The following SENP6 variants were observed in gnomAD, a reference collection of about 807,000 sequenced individuals.
SENP6 encodes sentrin-specific protease 6.
SENP6 carries 41 observed loss-of-function variants against 134.5 expected under a neutral mutation model. The observed-to-expected ratio is 0.30, with a 90% CI of 0.24 to 0.40. The LOEUF (loss-of-function observed/expected upper bound fraction) is 0.40, where lower values mean the gene tolerates loss of function less well. SENP6 is among the 10% of genes least tolerant of loss of function. The pLI is 1.00. For missense variants in SENP6, 1,248 were observed against 1,312.5 expected, an observed-to-expected ratio of 0.95 and a Z score of 0.76; for synonymous variants, 395 against 429.8, an observed-to-expected ratio of 0.92 and a Z score of 1.00.
In SENP6 at chr6:75,663,352, T is replaced by C. The variant is rs755499866; in HGVS notation, c.828T>C (p.Tyr276=). The change falls in exon 9 of 24, where the codon TAT becomes TAC. Residue 276 remains tyrosine (Y), a synonymous_variant. Coordinates refer to ENST00000447266, the MANE Select transcript of SENP6 (RefSeq NM_015571.4). ...CAGGATTAACAACCAAGAAGTTTTA[T>C]GGCAACAATGTGGAAAAGGTTCCAA... The part of the protein sequence containing the change: ...QNTGLTTKKF[Y]GNNVEKVPID... The C allele has an allele frequency of 4.8e-5, 78 of 1,613,670 alleles. No homozygotes were observed. The highest frequency in any genetic ancestry group is 6.4e-5 in the Non-Finnish European group (75 of 1,179,856).
intron 6 of SENP6, among the ~76,000 whole-genome samples, chr6:75,642,325 G>A (rs1770091495): frequency 6.6e-6 from 1 of 152,214 alleles, no homozygotes; most frequent in Non-Finnish European, 1.5e-5. Flanking sequence ...ATGTAGAGAA[G>A]TGTAATGGGT....
chr6:75,628,867 C>T (rs1043283920), intron 3 of SENP6, among the ~76,000 whole-genome samples: 1 of 152,040 alleles, frequency 6.6e-6, no homozygotes, highest in African/African-American at 2.4e-5. Flanking sequence ...CTACAGGTGC[C>T]TGCCACCACG....
chr6:75,663,161 T>C (rs2149864829), intron 8 of SENP6, 60 bp from the exon 9 acceptor site: 2 of 1,467,742 alleles, frequency 1.4e-6, no homozygotes, highest in East Asian at 4.5e-5. Flanking sequence ...ATGTTCAAAA[T>C]GTGGAAAGGA....
At chr6:75,609,786 T>C (rs571380328) in intron 1 of SENP6, among the ~76,000 whole-genome samples, 83 of 152,310 alleles carry the variant, frequency 5.4e-4, no homozygotes, top group Non-Finnish European at 8.5e-4. Context: ...TTTTTGTTTT[T>C]TGAGATGGAG....
chr6:75,610,731 C>T (rs952947342), intron 1 of SENP6, among the ~76,000 whole-genome samples: 1 of 152,158 alleles, frequency 6.6e-6, no homozygotes, highest in Non-Finnish European at 1.5e-5. Context: ...TTGAAGCCAT[C>T]TGAAATCAGC....
intron 19 of SENP6, among the ~76,000 whole-genome samples, chr6:75,706,933 G>A (rs913501861): frequency 1.1e-4 from 16 of 152,180 alleles, no homozygotes; most frequent in African/African-American, 2.7e-4. Flanking sequence ...CATGAAAAAT[G>A]TGTACGCTTA....
chr6:75,636,893 A>G (rs1769561701), intron 5 of SENP6, among the ~76,000 whole-genome samples: 1 of 143,856 alleles, frequency 7.0e-6, no homozygotes, highest in Non-Finnish European at 1.5e-5. Context: ...TTTTTTTTTA[A>G]TTATAGAGAT....
chr6:75,696,169 G>A (rs1774647871), intron 17 of SENP6, among the ~76,000 whole-genome samples: 2 of 151,924 alleles, frequency 1.3e-5, no homozygotes, highest in Admixed American at 1.3e-4. Context: ...TATTTATATT[G>A]AGGCAATATC....
chr6:75,693,303 G>A (rs1222247345), intron 16 of SENP6, among the ~76,000 whole-genome samples: 3 of 151,738 alleles, frequency 2.0e-5, no homozygotes, highest in Non-Finnish European at 4.4e-5. Context: ...TACTCAGGAG[G>A]CTGAGGCAGG....
intron 7 of SENP6, chr6:75,655,401 A>C (rs777569339): frequency 3.3e-5 from 5 of 152,218 alleles, no homozygotes; most frequent in Non-Finnish European, 7.3e-5. Context: ...CCATGAAGAC[A>C]TAGTAGAAAT....
At chr6:75,631,620 T>C (rs1410858692) in intron 3 of SENP6, among the ~76,000 whole-genome samples, 3 of 152,190 alleles carry the variant, frequency 2.0e-5, no homozygotes, top group African/African-American at 7.2e-5. Context: ...TCTGTGTCCA[T>C]AAGTAAAGTT....
At chr6:75,684,518 G>A (rs1773693383) in intron 16 of SENP6, among the ~76,000 whole-genome samples, 1 of 152,176 alleles carries the variant, frequency 6.6e-6, no homozygotes, top group Admixed American at 6.5e-5. Context: ...CATTCAGGAT[G>A]ATATTGGCTG....
At position 75,634,790 on chromosome 6, in the gene SENP6, T is replaced by C; in HGVS notation, c.437T>C (p.Val146Ala). 2 of 1,601,244 alleles carry C rather than the reference T, an allele frequency of 1.2e-6. No homozygotes were observed. Among genetic ancestry groups the C allele is most frequent in the Non-Finnish European group, 8.5e-7 (1 of 1,175,362 alleles). The change falls in exon 5 of 24, where the codon GTA becomes GCA. Residue 146 changes from valine (V) to alanine (A), a missense_variant. Physicochemically the swap from Val to Ala is moderately conservative, Grantham distance 64. Around this residue, in one of 3 missense-constraint regions of SENP6, gnomAD observed 733 missense variants for 725.4 expected, o/e 1.01. Coordinates refer to ENST00000447266, the MANE Select transcript of SENP6 (RefSeq NM_015571.4). ...CATCATGCTCATGCACAGATACCAG[T>C]AGTAAAAACAGCAGCCCAAAGGTAA... ...RFHHAHAQIP[V>A]VKTAAQSSLD... is the part of the protein sequence containing the mutation.
intron 9 of SENP6, among the ~76,000 whole-genome samples, chr6:75,665,877 A>G (rs1772165159): frequency 1.3e-5 from 2 of 151,696 alleles, no homozygotes; most frequent in Admixed American, 1.3e-4. Flanking sequence ...AAATACAAAA[A>G]TTAGCTGGGT....
chr6:75,618,336 G>A (rs575898676), intron 1 of SENP6, among the ~76,000 whole-genome samples: 61 of 152,048 alleles, frequency 4.0e-4, no homozygotes, highest in Non-Finnish European at 5.9e-4. Flanking sequence ...ACCCAATGCC[G>A]ATGTTATTTA....
intron 6 of SENP6, among the ~76,000 whole-genome samples, chr6:75,646,213 T>G (rs1468350716): frequency 2.0e-5 from 3 of 152,224 alleles, no homozygotes; most frequent in Admixed American, 6.5e-5. Context: ...CCTACCTTCT[T>G]TCTTATAAGA....
At position 75,633,675 on chromosome 6, in the gene SENP6, T is replaced by C. The variant is rs770854659; in HGVS notation, c.302T>C (p.Leu101Ser). ...RRNKSESFKTLKGNPIGLNML... is the reference protein window; with the variant it reads ...RRNKSESFKTSKGNPIGLNML... ...AACAAGTCTGAAAGTTTTAAAACTT[T>C]GAAAGGCAACCCAATTGGACTTAAC... is the stretch of plus-strand genomic sequence containing the variant. The change falls in exon 4 of 24, where the codon TTG becomes TCG. Residue 101 changes from leucine to serine, a missense_variant. Leu to Ser is a moderately radical substitution (Grantham distance 145, BLOSUM62 -2). Around this residue, in one of 3 missense-constraint regions of SENP6, gnomAD observed 733 missense variants for 725.4 expected, o/e 1.01. Transcript: ENST00000447266. The C allele has an allele frequency of 1.9e-6, 3 of 1,612,660 alleles. No individual in the cohort carries two copies. Among genetic ancestry groups the C allele is most frequent in the Non-Finnish European group, 2.5e-6 (3 of 1,179,438 alleles).
At chr6:75,643,382 G>A (rs903163785) in intron 6 of SENP6, among the ~76,000 whole-genome samples, 1 of 152,168 alleles carries the variant, frequency 6.6e-6, no homozygotes, top group Non-Finnish European at 1.5e-5. Context: ...CAAAAAGAAA[G>A]CATGAGTGGA....
chr6:75,640,841 T>A, intron 6 of SENP6, 137 bp downstream of exon 6: 1 of 471,580 alleles, frequency 2.1e-6, no homozygotes, highest in Non-Finnish European at 3.7e-6. Context: ...AGTTGACATG[T>A]AATAATTGTA....
Sources: gnomAD v4.1 joint callset for allele counts (sites outside exome capture counted in the v4.1 genomes callset) on GRCh38, gnomAD v4.1.1 for gene constraint, gnomAD v4.1.1 regional missense constraint, MANE v1.5 for transcripts, NCBI Gene and HGNC (gene_info 2026-07-23, HGNC 2026-07-21) for gene names.